The following DNAJC10 variants were observed in gnomAD, a reference collection of about 807,000 sequenced individuals.
DNAJC10 encodes endoplasmic reticulum disulfide reductase DNAJC10.
Under a neutral mutation model 115.0 loss-of-function variants are expected in DNAJC10, and 101 were observed. The ratio of observed to expected loss-of-function variants is 0.88; its 90% CI spans 0.75 to 1.04. The LOEUF (loss-of-function observed/expected upper bound fraction) is 1.04, where lower values mean the gene tolerates loss of function less well. DNAJC10 is among the 50% of genes least tolerant of loss of function. The pLI is 0.00. For synonymous variants in DNAJC10, 307 were observed against 301.5 expected (o/e 1.02, Z -0.19); for missense variants, 981 against 928.8 (o/e 1.06, Z -0.73).
At position 182,781,616 on chromosome 2, in the gene DNAJC10, C is replaced by A. The variant is rs773496780; in HGVS notation, c.*4484C>A. Reference sequence around the variant, plus strand: ...GCATTCCTATTTCTCCACATCCTCTCCAGCATCTGTTGTTTCCTCACTTTT... The same window carrying A: ...GCATTCCTATTTCTCCACATCCTCTACAGCATCTGTTGTTTCCTCACTTTT... On this transcript the variant is annotated 3_prime_UTR_variant, in exon 24 of 24. Coordinates refer to ENST00000264065, the MANE Select transcript of DNAJC10 (RefSeq NM_018981.4). 6.6e-6 allele frequency: 1 copy of A among 152,178 alleles called. No homozygotes were observed. Among genetic ancestry groups the A allele is most frequent in the African/African-American group, 2.4e-5 (1 of 41,440 alleles). 9.4% of individuals were successfully genotyped at this position (152,178 alleles called of 1,614,324 possible).
intron 15 of DNAJC10, 73 bp from the exon 16 acceptor site, chr2:182,751,999 C>A: frequency 1.5e-6 from 2 of 1,300,270 alleles, no homozygotes; most frequent in Non-Finnish European, 1.1e-6. Context: ...TAGCATATTA[C>A]TTGTTGCAGA....
chr2:182,742,594 A>G (rs1204847678), intron 13 of DNAJC10, among the ~76,000 whole-genome samples: 1 of 152,196 alleles, frequency 6.6e-6, no homozygotes, highest in Non-Finnish European at 1.5e-5. Context: ...CACTGACAGC[A>G]CGTGAGTGGC....
Position 182,787,698 on chromosome 2 carries a change from T to A in DNAJC10, c.*10566T>A, listed in dbSNP as rs1405282450. On this transcript the variant is annotated 3_prime_UTR_variant, in exon 24 of 24. Coordinates refer to ENST00000264065, the MANE Select transcript of DNAJC10 (RefSeq NM_018981.4). The stretch of plus-strand genomic sequence containing the variant: ...ACTTTGGAAGGCCCAGGCAGAAGGA[T>A]TCCTGCAGACCAGGATTTCAAGACC... 1 of 152,258 alleles carries A rather than the reference T, an allele frequency of 6.6e-6. No individual in the cohort carries two copies. Among genetic ancestry groups the A allele is most frequent in the Non-Finnish European group, 1.5e-5 (1 of 68,144 alleles). 9.4% of individuals were successfully genotyped at this position (152,258 alleles called of 1,614,324 possible).
chr2:182,743,550 A>G (rs764974494), intron 13 of DNAJC10, 48 bp from the exon 14 acceptor site: 3 of 1,351,040 alleles, frequency 2.2e-6, no homozygotes, highest in Admixed American at 1.8e-5. Flanking sequence ...TTACAAATCA[A>G]ATGGGTAAGA....
intron 16 of DNAJC10, chr2:182,752,713 C>CA (rs61411602): frequency 0.16 from 26,604 of 164,308 alleles, 5,239 homozygotes; most frequent in African/African-American, 0.51. Context: ...ATACTTTGGG[C>CA]AAAAAAAAAA....
chr2:182,775,559 G>A (rs1694685089), intron 23 of DNAJC10, 139 bp downstream of exon 23: 1 of 569,636 alleles, frequency 1.8e-6, no homozygotes, highest in Non-Finnish European at 3.2e-6. Flanking sequence ...ATTCTACTTT[G>A]GGAAATAGGA....
chr2:182,775,287 TA>T (rs1694676185), intron 22 of DNAJC10, 28 bp from the exon 23 acceptor site: 2 of 1,350,818 alleles, frequency 1.5e-6, no homozygotes, highest in East Asian at 2.4e-5. Flanking sequence ...ATTAAATACT[TA>T]AAAGATAACA....
chr2:182,726,744 T>G (rs966432966), intron 5 of DNAJC10, among the ~76,000 whole-genome samples: 1 of 152,176 alleles, frequency 6.6e-6, no homozygotes, highest in Admixed American at 6.5e-5. Context: ...AATAAAGTTA[T>G]TTTTTGTTCC....
intron 11 of DNAJC10, among the ~76,000 whole-genome samples, chr2:182,737,536 T>C (rs904817009): frequency 1.3e-5 from 2 of 152,188 alleles, no homozygotes; most frequent in African/African-American, 2.4e-5. Flanking sequence ...CTCTAGTTTA[T>C]ACCTGTGACT....
chr2:182,717,530 C>T (rs992275053), intron 2 of DNAJC10, among the ~76,000 whole-genome samples: 2 of 152,148 alleles, frequency 1.3e-5, no homozygotes, highest in African/African-American at 4.8e-5. Context: ...ACATTTCCTA[C>T]AAGTGAATTC....
rs923640715 is a variant in DNAJC10, at chr2:182,778,368, G to C, written c.*1236G>C. 1 of 152,042 alleles carries C rather than the reference G, an allele frequency of 6.6e-6. No homozygotes were observed. The highest frequency in any genetic ancestry group is 1.5e-5 in the Non-Finnish European group (1 of 67,996). 9.4% of individuals were successfully genotyped at this position (152,042 alleles called of 1,614,324 possible). ...ATAAATCTAGGAAAGGGATCTTCTAGTTTCTGTGTTGTTTAGACTCAAAGA... is the reference window on the plus strand; with the variant it reads ...ATAAATCTAGGAAAGGGATCTTCTACTTTCTGTGTTGTTTAGACTCAAAGA... On this transcript the variant is annotated 3_prime_UTR_variant, in exon 24 of 24. Coordinates refer to ENST00000264065, the MANE Select transcript of DNAJC10 (RefSeq NM_018981.4).
chr2:182,729,873 G>A lies in DNAJC10; in HGVS notation c.659G>A (p.Arg220Lys). ...GMAPVKYHGD[R>K]SKESLVSFAM... Reference sequence around the variant, plus strand: ...GCCCCAGTGAAATATCATGGAGACAGATCAAAGGAGAGTTTAGTGAGTTTT... The same window carrying A: ...GCCCCAGTGAAATATCATGGAGACAAATCAAAGGAGAGTTTAGTGAGTTTT... Residue 220 changes from arginine (R) to lysine (K), a missense_variant, in exon 8 of 24, where the codon AGA becomes AAA. Physicochemically the swap from Arg to Lys is conservative, Grantham distance 26. Transcript: ENST00000264065. 1.2e-6 allele frequency: 2 copies of A among 1,610,724 alleles called. No individual in the cohort carries two copies. Among genetic ancestry groups the A allele is most frequent in the Non-Finnish European group, 1.7e-6 (2 of 1,178,490 alleles).
At chr2:182,755,634 C>G (rs1037098174) in intron 17 of DNAJC10, among the ~76,000 whole-genome samples, 21 of 152,226 alleles carry the variant, frequency 1.4e-4, no homozygotes, top group African/African-American at 4.8e-4. Flanking sequence ...TCAGTATTAC[C>G]TGACTGTTGT....
chr2:182,762,782 A>T lies in DNAJC10; in HGVS notation c.2246A>T (p.Tyr749Phe), dbSNP rs1193283497. The T allele has an allele frequency of 1.9e-6, 3 of 1,611,890 alleles. No homozygotes were observed. Among genetic ancestry groups the T allele is most frequent in the Non-Finnish European group, 2.5e-6 (3 of 1,178,554 alleles). The stretch of plus-strand genomic sequence containing the variant: ...AGGGCCTATCCAACTGTTAAATTTT[A>T]TTTCTACGAAAGAGCAAAGGTATGT... The part of the protein sequence containing the change: ...GIRAYPTVKF[Y>F]FYERAKRNFQ... Residue 749 changes from tyrosine to phenylalanine, a missense_variant, in exon 22 of 24, where the codon TAT (tyrosine) becomes TTT (phenylalanine). Transcript: ENST00000264065.
At chr2:182,744,021 G>A (rs1244027587) in intron 14 of DNAJC10, among the ~76,000 whole-genome samples, 1 of 152,158 alleles carries the variant, frequency 6.6e-6, no homozygotes, top group Non-Finnish European at 1.5e-5. Context: ...ATTCCAGCTT[G>A]CCATGTGTAT....
In DNAJC10 at chr2:182,775,180, A is replaced by G; in HGVS notation, c.2266-136A>G. The G allele has an allele frequency of 8.1e-6, 5 of 616,738 alleles. No homozygotes were observed. The Admixed American group carries it at 8.7e-5, about 11-fold the overall frequency. 38.2% of individuals were successfully genotyped at this position (616,738 alleles called of 1,614,324 possible). ...TGCTTTTGCAGCATTATTTCCTTGA[A>G]GAGAATAAATTTGAATTTCAAACAC... On this transcript the variant is annotated intron_variant, in intron 22 of 23. Coordinates refer to ENST00000264065, the MANE Select transcript of DNAJC10 (RefSeq NM_018981.4).
At chr2:182,749,538 G>A (rs998230754) in intron 14 of DNAJC10, among the ~76,000 whole-genome samples, 12 of 149,958 alleles carry the variant, frequency 8.0e-5, no homozygotes, top group African/African-American at 2.7e-4. Context: ...TTTATTTTGA[G>A]CCTATGTGTG....
intron 3 of DNAJC10, among the ~76,000 whole-genome samples, chr2:182,718,984 T>C (rs1693073410): frequency 6.6e-6 from 1 of 152,164 alleles, no homozygotes; most frequent in Non-Finnish European, 1.5e-5. Context: ...TTATTTTCAT[T>C]GCATAAAGCT....
chr2:182,767,167 G>A (rs1393113733), intron 22 of DNAJC10, among the ~76,000 whole-genome samples: 3 of 152,116 alleles, frequency 2.0e-5, no homozygotes, highest in East Asian at 1.9e-4. Flanking sequence ...GATAATGGGC[G>A]ATCTGGTGGG....
Sources: allele counts gnomAD v4.1 joint callset (sites outside exome capture counted in the v4.1 genomes callset), GRCh38; gene constraint gnomAD v4.1.1; transcripts MANE v1.5; gene names NCBI Gene and HGNC (gene_info 2026-07-23, HGNC 2026-07-21).